Variants in DMAC2L observed in about 807,000 individuals in gnomAD.
The protein encoded by DMAC2L is ATP synthase subunit s, mitochondrial.
A neutral mutation model predicts 22.5 loss-of-function variants in DMAC2L; 21 were observed. The observed-to-expected ratio is 0.93, with a 90% CI of 0.66 to 1.34. The LOEUF is 1.34. Ranked by LOEUF, DMAC2L falls within the 40% of genes most tolerant of loss-of-function variation. DMAC2L has a pLI of 0.00. For missense variants in DMAC2L, 239 were observed against 246.5 expected (o/e 0.97, Z 0.20); for synonymous variants, 86 against 89.5 (o/e 0.96, Z 0.22).
At chr14:50,319,331 C>T (rs1464725905) in intron 2 of DMAC2L, 3 of 1,535,942 alleles carry the variant, frequency 2.0e-6, no homozygotes, top group Non-Finnish European at 2.6e-6. Flanking sequence ...GTTCACATCT[C>T]TCACTGTTCC....
chr14:50,322,876 T>C, intron 4 of DMAC2L, 157 bp downstream of exon 4: 1 of 1,470,764 alleles, frequency 6.8e-7, no homozygotes, highest in Middle Eastern at 2.4e-4. Context: ...TATTTTCAAA[T>C]TAAATTGAGG....
At chr14:50,324,944 G>A (rs989660518) in intron 5 of DMAC2L, among the ~76,000 whole-genome samples, 2 of 152,020 alleles carry the variant, frequency 1.3e-5, no homozygotes, top group African/African-American at 4.8e-5. Context: ...CCCGGCTAAT[G>A]TTTGTATTTT....
At chr14:50,312,628 C>CGCCCCGCCCT (rs1487536944) in intron 1 of DMAC2L, 3,852 of 225,842 alleles carry the variant, frequency 0.017, 146 homozygotes, top group East Asian at 0.12. Flanking sequence ...GGCCCCGCCC[C>CGCCCCGCCCT]CGCCCCGCCC....
At chr14:50,319,486 T>C (rs1445747715) in intron 2 of DMAC2L, among the ~76,000 whole-genome samples, 1 of 152,176 alleles carries the variant, frequency 6.6e-6, no homozygotes, top group East Asian at 1.9e-4. Flanking sequence ...TGGGTTCAGG[T>C]TTCAACACTG....
chr14:50,312,725 G>C (rs1284801520), intron 1 of DMAC2L: 2 of 311,682 alleles, frequency 6.4e-6, no homozygotes, highest in Non-Finnish European at 6.0e-6. Context: ...TCTCCATCCC[G>C]GCCCCAGCCC....
intron 4 of DMAC2L, chr14:50,323,033 G>C: frequency 8.0e-7 from 1 of 1,246,912 alleles, no homozygotes; most frequent in Non-Finnish European, 1.0e-6. Flanking sequence ...CAATAATGCA[G>C]GAATAATTAT....
intron 3 of DMAC2L, among the ~76,000 whole-genome samples, chr14:50,321,974 TAGTG>T (rs1410776968): frequency 1.3e-5 from 2 of 152,212 alleles, no homozygotes; most frequent in Non-Finnish European, 2.9e-5. Context: ...TTCAAAAAAT[TAGTG>T]GGTGGCACAC....
rs769286741 is a variant in DMAC2L at position 50,324,121 on chromosome 14, A to G, written c.488+5A>G. On this transcript the variant is annotated splice_donor_5th_base_variant and intron_variant, in intron 5 of 5. Transcript: ENST00000557421. ...CATTGCTTTGCGTCATTTAAGGTAG[A>G]TGATCAAAGCCAAAGTGGAAACTTG... The G allele has an allele frequency of 1.9e-6, 3 of 1,601,712 alleles. No individual in the cohort carries two copies. In the African/African-American group the frequency reaches 4.0e-5, roughly 22 times the overall value.
At chr14:50,324,227 T>A in intron 5 of DMAC2L, 111 bp downstream of exon 5, 3 of 1,178,550 alleles carry the variant, frequency 2.5e-6, no homozygotes, top group Non-Finnish European at 3.5e-6. Flanking sequence ...AAAGATAATT[T>A]TAAAAAATGA....
Position 50,324,067 on chromosome 14 carries a change from T to C in DMAC2L, c.439T>C (p.Ser147Pro). The C allele has an allele frequency of 1.9e-6, 3 of 1,613,960 alleles. No homozygotes were observed. Among genetic ancestry groups the C allele is most frequent in the Non-Finnish European group, 2.5e-6 (3 of 1,179,948 alleles). The change falls in exon 5 of 6, where the codon TCC (serine) becomes CCC (proline). Residue 147 changes from serine (S) to proline (P), a missense_variant. Transcript: ENST00000557421. ...AACCATATTGGAAATGGAAATAATA[T>C]CCTGTGGGAATATCACAGACAAAGG... is the stretch of plus-strand genomic sequence containing the variant. Reference protein sequence around the residue: ...QKTILEMEIISCGNITDKGII... With the variant: ...QKTILEMEIIPCGNITDKGII...
chr14:50,321,048 T>C (rs1278052646), intron 2 of DMAC2L, among the ~76,000 whole-genome samples: 1 of 152,208 alleles, frequency 6.6e-6, no homozygotes, highest in Non-Finnish European at 1.5e-5. Context: ...TCTATTTTCA[T>C]GTCTCCTCTT....
At chr14:50,323,029 T>C (rs980495096) in intron 4 of DMAC2L, 7 of 1,266,008 alleles carry the variant, frequency 5.5e-6, no homozygotes, top group South Asian at 4.2e-5. Flanking sequence ...CCCTCAATAA[T>C]GCAGGAATAA....
rs1359272235 is a variant in DMAC2L, at chr14:50,325,821, C to A, written c.*98C>A. The A allele has an allele frequency of 1.4e-6, 2 of 1,450,630 alleles. No individual in the cohort carries two copies. The highest frequency in any genetic ancestry group is 1.8e-6 in the Non-Finnish European group (2 of 1,103,432). The allele number at this position is 1,450,630 out of a possible 1,614,324, so 89.9% of individuals were successfully genotyped here. ...GTCATCAGTAGAATTATAAGGATGC[C>A]ATATCATGACATTTTAGAAGTGGAG... On this transcript the variant is annotated 3_prime_UTR_variant, in exon 6 of 6. Coordinates refer to ENST00000557421, the MANE Select transcript of DMAC2L (RefSeq NM_001382507.1).
At chr14:50,322,360 G>GT (rs11357954) in intron 3 of DMAC2L, 151 bp from the exon 4 acceptor site, 37 of 829,264 alleles carry the variant, frequency 4.5e-5, no homozygotes, top group Non-Finnish European at 4.7e-5. Flanking sequence ...TTTTGTTTTT[G>GT]TTTTTTTTGC....
chr14:50,311,914 C>G (rs574714661), upstream of DMAC2L: 1 of 1,497,218 alleles, frequency 6.7e-7, no homozygotes, highest in Non-Finnish European at 9.0e-7. Flanking sequence ...GCTCTCACCC[C>G]GGGACAGGGA....
intron 5 of DMAC2L, among the ~76,000 whole-genome samples, chr14:50,325,269 T>C (rs893871274): frequency 1.3e-5 from 2 of 152,250 alleles, no homozygotes; most frequent in African/African-American, 4.8e-5. Flanking sequence ...CTTCAAAGCT[T>C]CATCTTTTAG....
chr14:50,312,175 A>G, upstream of DMAC2L: 2 of 1,607,480 alleles, frequency 1.2e-6, no homozygotes, highest in African/African-American at 1.3e-5. Flanking sequence ...CCCCTCCCTC[A>G]GCGCTCAGAA....
rs1284429329 is a variant in DMAC2L at position 50,315,001 on chromosome 14, C to T, written c.-6+375C>T. ...TATTTTTTTGAGACAGAGTCTCGCT[C>T]TGTCACCCAGGCTGGAGTGCAGTGG... is the stretch of plus-strand genomic sequence containing the variant. On this transcript the variant is annotated intron_variant, in intron 2 of 5. Coordinates refer to ENST00000557421, the MANE Select transcript of DMAC2L (RefSeq NM_001382507.1). Among the ~76,000 whole-genome samples the T allele has an allele frequency of 2.6e-5, 4 of 151,440 alleles. No individual in the cohort carries two copies. The East Asian group carries it at 7.9e-4, about 30-fold the overall frequency.
At chr14:50,312,178 G>A (rs747728551), upstream of DMAC2L, 8 of 1,606,992 alleles carry the variant, frequency 5.0e-6, no homozygotes, top group African/African-American at 1.3e-5. Flanking sequence ...CTCCCTCAGC[G>A]CTCAGAAGAA....
Sources: gnomAD v4.1 joint callset for allele counts (sites outside exome capture counted in the v4.1 genomes callset) on GRCh38, gnomAD v4.1.1 for gene constraint, MANE v1.5 for transcripts, NCBI Gene and HGNC (gene_info 2026-07-23, HGNC 2026-07-21) for gene names.